Variants in CEP68 observed in about 807,000 individuals in gnomAD.
CEP68 encodes centrosomal protein 68, also known as centrosomal protein of 68 kDa.
A neutral mutation model predicts 55.3 loss-of-function variants in CEP68; 26 were observed. The observed-to-expected ratio is 0.47, with a 90% CI of 0.34 to 0.65. The LOEUF (loss-of-function observed/expected upper bound fraction) is 0.65. Among genes scored for constraint, CEP68 ranks in the 30% least tolerant of loss-of-function variants. CEP68 has a pLI of 0.01. For missense variants in CEP68, 957 were observed against 946.7 expected (o/e 1.01, Z -0.14); for synonymous variants, 402 against 383.2 (o/e 1.05, Z -0.57).
intron 1 of CEP68, among the ~76,000 whole-genome samples, chr2:65,065,546 G>T (rs977539511): frequency 1.3e-5 from 2 of 152,166 alleles, no homozygotes; most frequent in Non-Finnish European, 2.9e-5. Context: ...ATAAATAAGA[G>T]TTAAGCTCCT....
intron 4 of CEP68, 57 bp downstream of exon 4, chr2:65,074,461 C>G: frequency 1.2e-6 from 2 of 1,611,634 alleles, no homozygotes; most frequent in Non-Finnish European, 1.7e-6. Context: ...CTAAATTACT[C>G]GATTACAAAG....
In CEP68 at chr2:65,069,884, T is replaced by C; in HGVS notation, c.357+83T>C. ...AGGATTTCCTCACCATCTTGCATCC[T>C]TTCCTTGCTACTGTGCAGGGTGAGG... On this transcript the variant is annotated intron_variant, in intron 2 of 6. Transcript: ENST00000377990. The C allele has an allele frequency of 2.5e-6, 3 of 1,208,136 alleles. No homozygotes were observed. The South Asian group carries it at 4.0e-5, about 16-fold the overall frequency. 74.8% of individuals were successfully genotyped at this position (1,208,136 alleles called of 1,614,324 possible).
At chr2:65,058,841 C>T (rs1410502371) in intron 1 of CEP68, among the ~76,000 whole-genome samples, 1 of 152,088 alleles carries the variant, frequency 6.6e-6, no homozygotes, top group Non-Finnish European at 1.5e-5. Context: ...TTTAGCCTTT[C>T]CTGATTCTCT....
At chr2:65,076,995 C>CTTTTTTTTT (rs573128823) in intron 4 of CEP68, among the ~76,000 whole-genome samples, 1 of 118,284 alleles carries the variant, frequency 8.5e-6, no homozygotes, top group Non-Finnish European at 1.7e-5. Flanking sequence ...TTGACTTTAC[C>CTTTTTTTTT]TTTTTTTTTT....
chr2:65,064,306 A>C (rs1444577113), intron 1 of CEP68, among the ~76,000 whole-genome samples: 1 of 152,216 alleles, frequency 6.6e-6, no homozygotes, highest in East Asian at 1.9e-4. Context: ...TAAAAAGTAC[A>C]TGATCAAAAC....
intron 1 of CEP68, among the ~76,000 whole-genome samples, chr2:65,068,687 C>T (rs141168612): frequency 1.9e-4 from 29 of 152,120 alleles, no homozygotes; most frequent in African/African-American, 4.6e-4. Flanking sequence ...ATTAGCCAGG[C>T]GTGGTGGCAT....
intron 1 of CEP68, among the ~76,000 whole-genome samples, chr2:65,058,311 C>G (rs1001503429): frequency 6.6e-6 from 1 of 151,660 alleles, no homozygotes; most frequent in South Asian, 2.1e-4. Flanking sequence ...GGTCGAGTCC[C>G]TCTCACCTCA....
intron 5 of CEP68, chr2:65,080,456 A>G (rs1260133160): frequency 3.0e-6 from 3 of 985,412 alleles, no homozygotes; most frequent in Non-Finnish European, 3.6e-6. Context: ...GCCTACAAAC[A>G]TGTTTTGTTC....
At chr2:65,060,876 T>G (rs1474079495) in intron 1 of CEP68, among the ~76,000 whole-genome samples, 1 of 151,800 alleles carries the variant, frequency 6.6e-6, no homozygotes, top group East Asian at 1.9e-4. Flanking sequence ...GTGACTTACA[T>G]CTCTTTAAAG....
intron 4 of CEP68, chr2:65,074,878 T>TA (rs1295452288): frequency 4.2e-6 from 1 of 237,048 alleles, no homozygotes; most frequent in African/African-American, 2.3e-5. Context: ...CTTGCACTAT[T>TA]ATGACGCCTC....
chr2:65,071,542 C>G lies in CEP68; in HGVS notation c.446C>G (p.Ala149Gly). 1 of 1,614,182 alleles carries G rather than the reference C, an allele frequency of 6.2e-7. No individual in the cohort carries two copies. The highest frequency in any genetic ancestry group is 1.1e-5 in the South Asian group (1 of 91,086). ...RTTTICSGHDADTEDDPSLAD... is the reference protein window; with the variant it reads ...RTTTICSGHDGDTEDDPSLAD... ...ACAACTATTTGCTCAGGACATGATG[C>G]TGATACCGAAGATGATCCATCCCTA... The change falls in exon 3 of 7, where the codon GCT becomes GGT. Residue 149 changes from alanine (A) to glycine (G), a missense_variant. Transcript: ENST00000377990.
chr2:65,072,002 G>T lies in CEP68; in HGVS notation c.906G>T (p.Leu302=). The change falls in exon 3 of 7, where the codon CTG becomes CTT. Residue 302 remains leucine (L), a synonymous_variant. Coordinates refer to ENST00000377990, the MANE Select transcript of CEP68 (RefSeq NM_015147.3). ...LWNPNKEYED[L]LDYTYPLRPG... ...ACCCAAATAAAGAGTATGAAGATCTGCTTGACTATACTTACCCACTGAGGC... is the reference window on the plus strand; with the variant it reads ...ACCCAAATAAAGAGTATGAAGATCTTCTTGACTATACTTACCCACTGAGGC... The T allele has an allele frequency of 6.2e-7, 1 of 1,613,018 alleles. No individual in the cohort carries two copies.
chr2:65,060,215 A>G (rs1675842220), intron 1 of CEP68, among the ~76,000 whole-genome samples: 1 of 140,344 alleles, frequency 7.1e-6, no homozygotes, highest in African/African-American at 2.7e-5. Flanking sequence ...TGTAGCAGCC[A>G]AAGCAAAGAG....
intron 6 of CEP68, 127 bp downstream of exon 6, chr2:65,082,836 A>G (rs895863465): frequency 2.5e-5 from 19 of 769,734 alleles, no homozygotes; most frequent in Non-Finnish European, 3.5e-5. Flanking sequence ...AAGACAGCCA[A>G]TGGTACTAAA....
chr2:65,073,126 TCA>T, intron 3 of CEP68, 146 bp downstream of exon 3: 4 of 907,610 alleles, frequency 4.4e-6, no homozygotes, highest in Non-Finnish European at 7.1e-6. Flanking sequence ...TATTCAGTCC[TCA>T]CAACTTTTAC....
At chr2:65,068,849 G>GAA (rs1195273536) in intron 1 of CEP68, among the ~76,000 whole-genome samples, 2 of 152,054 alleles carry the variant, frequency 1.3e-5, no homozygotes, top group Admixed American at 6.5e-5. Flanking sequence ...AAAAAGAAAA[G>GAA]AAAAGAGAGG....
chr2:65,066,808 C>G (rs1185595765), intron 1 of CEP68, among the ~76,000 whole-genome samples: 1 of 144,698 alleles, frequency 6.9e-6, no homozygotes, highest in Non-Finnish European at 1.5e-5. Context: ...GTGGCACATG[C>G]CTGTAATCCC....
intron 5 of CEP68, among the ~76,000 whole-genome samples, chr2:65,082,043 A>G (rs35001546): frequency 0.016 from 2,496 of 152,314 alleles, 25 homozygotes; most frequent in Middle Eastern, 0.027. Context: ...CCCACAAAAC[A>G]AAGGGTCTCA....
At chr2:65,065,797 C>T (rs752303889) in intron 1 of CEP68, among the ~76,000 whole-genome samples, 1 of 151,776 alleles carries the variant, frequency 6.6e-6, no homozygotes, top group Non-Finnish European at 1.5e-5. Context: ...GGTGAAACCC[C>T]ATACAAAAAT....
Sources: allele counts gnomAD v4.1 joint callset (sites outside exome capture counted in the v4.1 genomes callset), GRCh38; gene constraint gnomAD v4.1.1; transcripts MANE v1.5; gene names NCBI Gene and HGNC (gene_info 2026-07-23, HGNC 2026-07-21).